The following CHN2 variants were observed in gnomAD, a reference collection of about 807,000 sequenced individuals.
The protein encoded by CHN2 is beta-chimaerin.
CHN2 carries 35 observed loss-of-function variants against 56.3 expected under a neutral mutation model. The observed-to-expected ratio is 0.62, with a 90% CI of 0.47 to 0.82. CHN2 has a LOEUF of 0.82. CHN2 is among the 40% of genes least tolerant of loss of function. CHN2 has a pLI of 0.00. For synonymous variants in CHN2, 210 were observed against 212.8 expected (o/e 0.99, Z 0.12); for missense variants, 491 against 580.5 (o/e 0.85, Z 1.58).
At chr7:29,302,965 A>G (rs1232562729) in intron 1 of CHN2, among the ~76,000 whole-genome samples, 1 of 152,152 alleles carries the variant, frequency 6.6e-6, no homozygotes, top group Non-Finnish European at 1.5e-5. Flanking sequence ...CATTATACAC[A>G]CGTATACACA....
rs60217486 is a variant in CHN2 at position 29,221,383 on chromosome 7, A to C, written c.49+26393A>C. Among the ~76,000 whole-genome samples, 250 of 152,384 alleles carry C rather than the reference A, an allele frequency of 1.6e-3. 1 individual carries two copies. Among genetic ancestry groups the C allele is most frequent in the African/African-American group, 5.8e-3 (240 of 41,592 alleles). ...AAGTCTCTTTATACTAGCAATAAAT[A>C]ATTCAAAAATGAAATTTTAAACCAT... On this transcript the variant is annotated intron_variant, in intron 1 of 12. Transcript: ENST00000222792.
intron 1 of CHN2, among the ~76,000 whole-genome samples, chr7:29,220,280 A>AAAGAGAGAGAG (rs1554366787): frequency 1.4e-5 from 2 of 138,140 alleles, no homozygotes; most frequent in Non-Finnish European, 3.0e-5. Context: ...AAAAAAAAAA[A>AAAGAGAGAGAG]AGAGAGAGAG....
At chr7:29,187,086 G>A (rs141470946) in intron 2 of CHN2, among the ~76,000 whole-genome samples, 1 of 152,286 alleles carries the variant, frequency 6.6e-6, no homozygotes, top group Non-Finnish European at 1.5e-5. Context: ...CTTAAGGAGA[G>A]TGACTTTTCT....
At chr7:29,507,406 T>A in intron 11 of CHN2, 41 bp downstream of exon 11, 1 of 1,456,074 alleles carries the variant, frequency 6.9e-7, no homozygotes, top group Non-Finnish European at 9.5e-7. Flanking sequence ...ACCAAATTTT[T>A]AAGTACAGTG....
intron 1 of CHN2, among the ~76,000 whole-genome samples, chr7:29,352,292 A>C (rs1045138165): frequency 1.3e-5 from 2 of 152,076 alleles, no homozygotes; most frequent in African/African-American, 4.8e-5. Flanking sequence ...CAAAATAAGA[A>C]GACATTACAG....
chr7:29,406,409 G>T (rs1024785133), intron 6 of CHN2, among the ~76,000 whole-genome samples: 5 of 152,122 alleles, frequency 3.3e-5, no homozygotes, highest in Non-Finnish European at 7.4e-5. Flanking sequence ...TTGGTTGAGG[G>T]GTACCTGTGA....
chr7:29,202,804 A>G (rs1784257696), intron 1 of CHN2, among the ~76,000 whole-genome samples: 2 of 152,346 alleles, frequency 1.3e-5, no homozygotes, highest in South Asian at 2.1e-4. Flanking sequence ...ACATAATGCC[A>G]TATTAGCAAT....
chr7:29,399,221 A>G (rs889020521), intron 5 of CHN2, among the ~76,000 whole-genome samples: 7 of 152,118 alleles, frequency 4.6e-5, no homozygotes, highest in African/African-American at 1.7e-4. Flanking sequence ...TGCCTGCACC[A>G]TCTAGCTGGC....
At chr7:29,403,390 C>G (rs1376170555) in intron 6 of CHN2, among the ~76,000 whole-genome samples, 2 of 152,080 alleles carry the variant, frequency 1.3e-5, no homozygotes, top group African/African-American at 4.8e-5. Flanking sequence ...GTGAAATGAG[C>G]AGGTTTCCTA....
chr7:29,308,967 C>T (rs1028510177), intron 1 of CHN2, among the ~76,000 whole-genome samples: 1 of 152,126 alleles, frequency 6.6e-6, no homozygotes, highest in African/African-American at 2.4e-5. Flanking sequence ...GTGCACAAAC[C>T]TGGCAATGCA....
At chr7:29,480,665 CTCAG>C (rs1173059916) in intron 7 of CHN2, among the ~76,000 whole-genome samples, 2 of 152,224 alleles carry the variant, frequency 1.3e-5, no homozygotes, top group African/African-American at 2.4e-5. Flanking sequence ...CCCAGTCTCT[CTCAG>C]TCAGAGATGT....
intron 9 of CHN2, 130 bp from the exon 10 acceptor site, chr7:29,504,614 T>A: frequency 1.6e-6 from 1 of 611,584 alleles, no homozygotes; most frequent in South Asian, 2.2e-5. Context: ...CAACAGTGTG[T>A]GATAAATAAA....
intron 1 of CHN2, among the ~76,000 whole-genome samples, chr7:29,329,738 C>T (rs1429024003): frequency 1.3e-5 from 2 of 152,106 alleles, no homozygotes; most frequent in Non-Finnish European, 2.9e-5. Context: ...GATCCTAAAG[C>T]GTTTTAATAT....
intron 3 of CHN2, among the ~76,000 whole-genome samples, chr7:29,374,888 T>C (rs1222181391): frequency 1.4e-5 from 2 of 146,200 alleles, no homozygotes; most frequent in Non-Finnish European, 3.0e-5. Context: ...TCCCTTTCTC[T>C]CTTTCTTTTT....
At chr7:29,403,073 T>A (rs372925050) in intron 6 of CHN2, among the ~76,000 whole-genome samples, 20 of 152,146 alleles carry the variant, frequency 1.3e-4, no homozygotes, top group Admixed American at 3.3e-4. Context: ...AATGATGTGA[T>A]GTTTGGTTGT....
intron 3 of CHN2, among the ~76,000 whole-genome samples, chr7:29,382,023 C>T (rs1800553562): frequency 6.6e-6 from 1 of 152,102 alleles, no homozygotes; most frequent in African/African-American, 2.4e-5. Context: ...CACCTTGCTT[C>T]TCTGTGCCTC....
intron 6 of CHN2, among the ~76,000 whole-genome samples, chr7:29,468,271 G>C (rs770105901): frequency 1.3e-5 from 2 of 151,678 alleles, no homozygotes; most frequent in Admixed American, 6.6e-5. Context: ...AAGCAGGACT[G>C]ACCCCCAGGC....
intron 12 of CHN2, 159 bp downstream of exon 12, chr7:29,509,565 G>A (rs907647182): frequency 1.7e-5 from 10 of 585,826 alleles, no homozygotes; most frequent in East Asian, 9.0e-5. Flanking sequence ...TGAAAGGGGC[G>A]CCACTGTGAT....
chr7:29,267,482 A>ACCCT (rs2128841395), intron 1 of CHN2, among the ~76,000 whole-genome samples: 1 of 151,796 alleles, frequency 6.6e-6, no homozygotes, highest in Non-Finnish European at 1.5e-5. Context: ...ACCTCAAGTG[A>ACCCT]CCCTCCCACC....
Sources: gnomAD v4.1 joint callset for allele counts (sites outside exome capture counted in the v4.1 genomes callset) on GRCh38, gnomAD v4.1.1 for gene constraint, MANE v1.5 for transcripts, NCBI Gene and HGNC (gene_info 2026-07-23, HGNC 2026-07-21) for gene names.